The following CNTN5 variants were observed in gnomAD, a reference collection of about 807,000 sequenced individuals.
CNTN5 encodes contactin-5.
In CNTN5, 77 loss-of-function variants were observed where a neutral mutation model predicts 129.1. The ratio of observed to expected loss-of-function variants is 0.60; its 90% confidence interval spans 0.50 to 0.72. CNTN5 has a LOEUF of 0.72. CNTN5 is among the 30% of genes least tolerant of loss of function. CNTN5 has a pLI of 0.00. For synonymous variants in CNTN5, 509 were observed against 465.6 expected (o/e 1.09, Z -1.20); for missense variants, 1,478 against 1,328.8 (o/e 1.11, Z -1.75).
chr11:100,091,827 A>G (rs1021935076), intron 13 of CNTN5, among the ~76,000 whole-genome samples: 6 of 152,004 alleles, frequency 3.9e-5, no homozygotes, highest in Non-Finnish European at 7.4e-5. Flanking sequence ...TCCTTTGTAC[A>G]TGTGGAAGCT....
intron 1 of CNTN5, among the ~76,000 whole-genome samples, chr11:99,232,343 T>C (rs940929158): frequency 2.0e-5 from 3 of 152,176 alleles, no homozygotes; most frequent in African/African-American, 7.2e-5. Context: ...TGGTTTGTAG[T>C]TCACCTTGAA....
chr11:99,836,793 C>G (rs1947322416), intron 4 of CNTN5, among the ~76,000 whole-genome samples: 1 of 152,202 alleles, frequency 6.6e-6, no homozygotes, highest in South Asian at 2.1e-4. Context: ...TCCACATCCT[C>G]TCCAGCACCT....
chr11:99,772,069 GTA>G (rs933627672), intron 3 of CNTN5, among the ~76,000 whole-genome samples: 5 of 60,804 alleles, frequency 8.2e-5, no homozygotes, highest in African/African-American at 7.3e-4. Context: ...AACTTCTGAG[GTA>G]TTTTTTTTTT....
At chr11:99,358,255 A>ATTTTTTTTT (rs1186386021) in intron 2 of CNTN5, among the ~76,000 whole-genome samples, 2,287 of 46,818 alleles carry the variant, frequency 0.049, 458 homozygotes, top group Middle Eastern at 0.16. Context: ...CGCCCTGCTG[A>ATTTTTTTTT]TTTTTTTTTT....
chr11:100,111,953 C>T (rs1945671284), intron 13 of CNTN5, among the ~76,000 whole-genome samples: 1 of 152,128 alleles, frequency 6.6e-6, no homozygotes, highest in African/African-American at 2.4e-5. Context: ...TATTTGTTTA[C>T]ACTACGTTGT....
At chr11:99,664,251 T>G (rs1375734492) in intron 3 of CNTN5, among the ~76,000 whole-genome samples, 1 of 152,180 alleles carries the variant, frequency 6.6e-6, no homozygotes, top group Non-Finnish European at 1.5e-5. Flanking sequence ...ACTTAATAAT[T>G]GCATTATTGT....
chr11:99,363,666 A>T (rs12279537), intron 2 of CNTN5, among the ~76,000 whole-genome samples: 4,915 of 152,216 alleles, frequency 0.032, 267 homozygotes, highest in African/African-American at 0.11. Context: ...ATTGTACCAA[A>T]GTTGTCCATA....
At chr11:100,083,880 C>A (rs951685751) in intron 13 of CNTN5, among the ~76,000 whole-genome samples, 1 of 151,688 alleles carries the variant, frequency 6.6e-6, no homozygotes, top group Non-Finnish European at 1.5e-5. Context: ...TTTTCTTGAC[C>A]ACTCCACCAG....
rs776139022 is a variant in CNTN5 at position 100,098,473 on chromosome 11, ATCTG to A, written c.1580+24189_1580+24192del. 5.5e-4 allele frequency among the ~76,000 whole-genome samples: 83 copies of A among 151,986 alleles called. 1 individual carries two copies. The East Asian group carries it at 6.0e-3, about 11-fold the overall frequency. The stretch of plus-strand genomic sequence containing the variant: ...CCAACAGGTTTTTGTGTTGTGTTTA[ATCTG>A]TCTGTCTGTGTTTTAGATTTACTCT... On this transcript the variant is annotated intron_variant, in intron 13 of 24. Transcript: ENST00000524871.
chr11:100,071,879 T>C (rs1270723894), intron 12 of CNTN5, 45 bp downstream of exon 12: 1 of 1,503,178 alleles, frequency 6.7e-7, no homozygotes, highest in Admixed American at 2.5e-5. Context: ...AAACCTTGCT[T>C]CTTTTCATGC....
rs992673921 is a variant in CNTN5 at position 99,034,818 on chromosome 11, A to C, written c.-210+13548A>C. Among the ~76,000 whole-genome samples, 9 of 150,494 alleles carry C rather than the reference A, an allele frequency of 6.0e-5. No individual in the cohort carries two copies. In the Admixed American group the frequency reaches 6.0e-4, roughly 10 times the overall value. On this transcript the variant is annotated intron_variant, in intron 1 of 24. Coordinates refer to ENST00000524871, the MANE Select transcript of CNTN5 (RefSeq NM_014361.4). ...ATTTCTTGCCTTCTGCTAGCTTTTG[A>C]ATGTGTTTGCTCTTGCTTTTCTAGT... is the stretch of plus-strand genomic sequence containing the variant.
intron 3 of CNTN5, among the ~76,000 whole-genome samples, chr11:99,675,211 A>T (rs1392078874): frequency 6.6e-6 from 1 of 152,136 alleles, no homozygotes; most frequent in African/African-American, 2.4e-5. Flanking sequence ...CTAGTAGGAT[A>T]GTCACTTTAA....
chr11:99,489,449 T>C (rs1945948714), intron 2 of CNTN5, among the ~76,000 whole-genome samples: 1 of 152,206 alleles, frequency 6.6e-6, no homozygotes, highest in Admixed American at 6.5e-5. Context: ...AGGCTTACTC[T>C]TAACAGTATC....
intron 1 of CNTN5, among the ~76,000 whole-genome samples, chr11:99,279,040 G>A (rs1285282532): frequency 6.6e-6 from 1 of 151,770 alleles, no homozygotes; most frequent in East Asian, 1.9e-4. Context: ...GAATCCAGGG[G>A]ATTAAACACC....
At chr11:100,118,640 T>C (rs78889145) in intron 13 of CNTN5, among the ~76,000 whole-genome samples, 264 of 152,034 alleles carry the variant, frequency 1.7e-3, no homozygotes, top group African/African-American at 6.0e-3. Context: ...TTTTGGAAAT[T>C]GATTTTATAT....
chr11:100,218,716 T>C (rs1949196128), intron 15 of CNTN5, among the ~76,000 whole-genome samples: 1 of 152,216 alleles, frequency 6.6e-6, no homozygotes, highest in Non-Finnish European at 1.5e-5. Context: ...ACATATGAGA[T>C]ATAATTTGTA....
At chr11:100,284,465 T>A (rs1334415222) in intron 18 of CNTN5, among the ~76,000 whole-genome samples, 1 of 152,162 alleles carries the variant, frequency 6.6e-6, no homozygotes, top group East Asian at 1.9e-4. Context: ...ATATATAAAT[T>A]TGGGATAGCA....
At chr11:99,520,849 T>C (rs1947249813) in intron 2 of CNTN5, among the ~76,000 whole-genome samples, 1 of 152,146 alleles carries the variant, frequency 6.6e-6, no homozygotes. Flanking sequence ...TCAAAAAATG[T>C]CAACTGGGCA....
intron 13 of CNTN5, among the ~76,000 whole-genome samples, chr11:100,108,746 A>C (rs1945543390): frequency 6.6e-6 from 1 of 151,936 alleles, no homozygotes; most frequent in Non-Finnish European, 1.5e-5. Context: ...ATTATTATAT[A>C]TGTAAACTGA....
Sources: allele counts gnomAD v4.1 joint callset (sites outside exome capture counted in the v4.1 genomes callset), GRCh38; gene constraint gnomAD v4.1.1; transcripts MANE v1.5; gene names NCBI Gene and HGNC (gene_info 2026-07-23, HGNC 2026-07-21).